NAPG: variants seen among roughly 807,000 people sequenced by gnomAD.
NAPG encodes gamma-soluble NSF attachment protein.
NAPG carries 25 observed loss-of-function variants against 48.4 expected under a neutral mutation model. That is an observed-to-expected ratio of 0.52 (90% confidence interval 0.38 to 0.72). The LOEUF is 0.72. Among genes scored for constraint, NAPG ranks in the 30% least tolerant of loss-of-function variants. The probability of loss-of-function intolerance (pLI) is 0.00; values close to 1 mark genes in which losing one functional copy is unlikely to be tolerated. For synonymous variants in NAPG, 139 were observed against 127.2 expected (o/e 1.09, Z -0.62); for missense variants, 359 against 372.5 (o/e 0.96, Z 0.30).
At position 10,527,201 on chromosome 18, in the gene NAPG, A is replaced by AAAAAG. The variant is rs1567886292; in HGVS notation, c.56+1053_56+1057dup. Among the ~76,000 whole-genome samples, 127 of 149,616 alleles carry AAAAAG rather than the reference A, an allele frequency of 8.5e-4. 1 individual carries two copies. Among genetic ancestry groups the AAAAAG allele is most frequent in the Middle Eastern group, 3.5e-3 (1 of 288 alleles). ...AGACTCCGTCTCAAAAAAAAAAAAA[A>AAAAAG]AAAAGAAAAGAAAAAGTCAGCATTG... On this transcript the variant is annotated intron_variant, in intron 1 of 11. Coordinates refer to ENST00000322897, the MANE Select transcript of NAPG (RefSeq NM_003826.3).
chr18:10,537,290 T>C (rs1027930619), intron 5 of NAPG, among the ~76,000 whole-genome samples: 1 of 152,190 alleles, frequency 6.6e-6, no homozygotes, highest in African/African-American at 2.4e-5. Context: ...ATATAAACAG[T>C]CAGTTAGTAC....
At position 10,539,923 on chromosome 18, in the gene NAPG, A is replaced by G. The variant is rs2032115331; in HGVS notation, c.368+52A>G. On this transcript the variant is annotated intron_variant, in intron 6 of 11. Transcript: ENST00000322897. This position sits in a 1 kb window ranked among gnomAD's most constrained non-coding sequence, Gnocchi z 4.7. The stretch of plus-strand genomic sequence containing the variant: ...CATAGAAGTCTTGTCTTTTTGTTTT[A>G]AAGAGGTCCCTGAAAAACAAGTTTT... 1 of 1,607,496 alleles carries G rather than the reference A, an allele frequency of 6.2e-7. No individual in the cohort carries two copies. The highest frequency in any genetic ancestry group is 1.3e-5 in the African/African-American group (1 of 74,628).
rs952145348 is a variant in NAPG at position 10,549,978 on chromosome 18, C to T, written c.796-99C>T. The T allele has an allele frequency of 2.4e-6, 3 of 1,273,280 alleles. No homozygotes were observed. In the African/African-American group the frequency reaches 4.7e-5, roughly 20 times the overall value. 78.9% of individuals were successfully genotyped at this position (1,273,280 alleles called of 1,614,324 possible). ...CCATCTGAATGGTAGAATTGGTGTT[C>T]CTGAGGGTGGGGAGCCAGGCTGTGT... On this transcript the variant is annotated intron_variant, in intron 11 of 11. Transcript: ENST00000322897.
In NAPG at chr18:10,534,853, A is replaced by G. The variant is rs947385993; in HGVS notation, c.258+357A>G. 6.6e-6 allele frequency among the ~76,000 whole-genome samples: 1 copy of G among 152,260 alleles called. No homozygotes were observed. Among genetic ancestry groups the G allele is most frequent in the Admixed American group, 6.5e-5 (1 of 15,292 alleles). ...AAAATTTTATAAATATTAAAAAATT[A>G]TCATACATGGGTTATAGAAGAGATT... On this transcript the variant is annotated intron_variant, in intron 5 of 11. Transcript: ENST00000322897. This position sits in a 1 kb window ranked among gnomAD's most constrained non-coding sequence, Gnocchi z 5.0.
At chr18:10,528,155 C>T (rs1230077049) in intron 1 of NAPG, among the ~76,000 whole-genome samples, 1 of 151,980 alleles carries the variant, frequency 6.6e-6, no homozygotes, top group East Asian at 1.9e-4. Flanking sequence ...CACTGCATTC[C>T]AGCCTGGGAG....
intron 8 of NAPG, among the ~76,000 whole-genome samples, chr18:10,541,164 A>G (rs1002311175): frequency 2.6e-5 from 4 of 152,228 alleles, no homozygotes; most frequent in African/African-American, 7.2e-5. Context: ...CTGAAATACA[A>G]TTTAAACCGG....
At position 10,548,134 on chromosome 18, in the gene NAPG, A is replaced by T. The variant is rs1383906489; in HGVS notation, c.586-165A>T. On this transcript the variant is annotated intron_variant, in intron 9 of 11. Transcript: ENST00000322897. The surrounding 1 kb of genome is among the most constrained non-coding windows in gnomAD (Gnocchi z 4.4). ...AGAATTGGAAAAGTACTGTTCTAGG[A>T]TATTTCCCCTCAGGTGTCCCGTGGA... Among the ~76,000 whole-genome samples the T allele has an allele frequency of 6.6e-6, 1 of 152,180 alleles. No homozygotes were observed. Among genetic ancestry groups the T allele is most frequent in the African/African-American group, 2.4e-5 (1 of 41,448 alleles).
chr18:10,526,323 C>T, intron 1 of NAPG, 165 bp downstream of exon 1: 1 of 670,526 alleles, frequency 1.5e-6, no homozygotes, highest in Non-Finnish European at 2.5e-6. Flanking sequence ...GGGTCACACT[C>T]CCGGGGTCGG....
chr18:10,530,769 G>T lies in NAPG; in HGVS notation c.57-1G>T. 6.4e-7 allele frequency: 1 copy of T among 1,555,616 alleles called. No homozygotes were observed. The highest frequency in any genetic ancestry group is 8.7e-7 in the Non-Finnish European group (1 of 1,150,686). ...TGTTAACTGTGTTTTTTTCATTCTAGCCTGAAAACTGGTTTTTTAAAATGG... is the reference window on the plus strand; with the variant it reads ...TGTTAACTGTGTTTTTTTCATTCTATCCTGAAAACTGGTTTTTTAAAATGG... On this transcript the variant is annotated splice_acceptor_variant, in intron 1 of 11. Transcript: ENST00000322897. LOFTEE classifies it high-confidence loss of function.
In NAPG at chr18:10,534,340, T is replaced by C. The variant is rs73392625; in HGVS notation, c.228-126T>C. ...ATTGTGTGGTAATATAAGCCTGAAG[T>C]GATATGTTGTGCATGAGCCCATTGT... On this transcript the variant is annotated intron_variant, in intron 4 of 11. Transcript: ENST00000322897. The surrounding 1 kb of genome is among the most constrained non-coding windows in gnomAD (Gnocchi z 5.0). 4.9e-4 allele frequency: 315 copies of C among 641,532 alleles called. 2 individuals are homozygous for C. The African/African-American group carries it at 5.1e-3, about 10-fold the overall frequency. 39.7% of individuals were successfully genotyped at this position (641,532 alleles called of 1,614,324 possible).
rs371024638 is a variant in NAPG at position 10,548,916 on chromosome 18, A to G, written c.666-51A>G. ...AGGGGCAGAATCATCCCTGCCTGAG[A>G]TGTGTTCTTTTAAGGAGAAGGTGAA... On this transcript the variant is annotated intron_variant, in intron 10 of 11. Transcript: ENST00000322897. The surrounding 1 kb of genome is among the most constrained non-coding windows in gnomAD (Gnocchi z 4.4). 1.3e-6 allele frequency: 2 copies of G among 1,591,774 alleles called. No individual in the cohort carries two copies. The highest frequency in any genetic ancestry group is 4.5e-5 in the East Asian group (2 of 44,366).
chr18:10,546,409 T>G lies in NAPG; in HGVS notation c.585+5T>G. The G allele has an allele frequency of 6.7e-7, 1 of 1,490,920 alleles. No individual in the cohort carries two copies. Among genetic ancestry groups the G allele is most frequent in the Non-Finnish European group, 9.1e-7 (1 of 1,094,496 alleles). 92.4% of individuals were successfully genotyped at this position (1,490,920 alleles called of 1,614,324 possible). A position where few individuals can be genotyped will look rare whatever the true frequency, so the allele number is the denominator to read the frequency against. On this transcript the variant is annotated splice_donor_5th_base_variant and intron_variant, in intron 9 of 11. Transcript: ENST00000322897. This position sits in a 1 kb window ranked among gnomAD's most constrained non-coding sequence, Gnocchi z 4.0. ...AATTATCCAACTTGTTATAAGGTAT[T>G]CTTTGAAAGTGTTTGTTTTTGGTAT...
chr18:10,532,747 C>CAA lies in NAPG; in HGVS notation c.164_165dup (p.Asp56LysfsTer5). The CAA allele has an allele frequency of 6.3e-7, 1 of 1,592,464 alleles. No individual in the cohort carries two copies. Among genetic ancestry groups the CAA allele is most frequent in the South Asian group, 1.1e-5 (1 of 87,326 alleles). On this transcript the variant is annotated frameshift_variant, in exon 3 of 12. Coordinates refer to ENST00000322897, the MANE Select transcript of NAPG (RefSeq NM_003826.3). LOFTEE classifies it high-confidence loss of function. ...AAAAATGCCAAACAGTTTGAGCAAG[C>CAA]AAAAGATGCCTGCCTGAGGGAAGCT...
intron 11 of NAPG, among the ~76,000 whole-genome samples, chr18:10,549,597 TAGTC>T (rs1431915545): frequency 3.9e-5 from 6 of 152,230 alleles, no homozygotes; most frequent in East Asian, 1.9e-4. Context: ...AAGAATACAT[TAGTC>T]AGTGTGTGAG....
rs1198198006 is a variant in NAPG at position 10,533,560 on chromosome 18, A to G, written c.227+7A>G. Reference sequence around the variant, plus strand: ...GTCTTTTTCATGCTGCCAAGTAAGTATTCTTCATGTTTTCATGTATTTGCA... The same window carrying G: ...GTCTTTTTCATGCTGCCAAGTAAGTGTTCTTCATGTTTTCATGTATTTGCA... On this transcript the variant is annotated splice_region_variant and intron_variant, in intron 4 of 11. Transcript: ENST00000322897. 2 of 1,596,006 alleles carry G rather than the reference A, an allele frequency of 1.3e-6. No individual in the cohort carries two copies. The highest frequency in any genetic ancestry group is 1.7e-5 in the Admixed American group (1 of 57,238).
intron 9 of NAPG, among the ~76,000 whole-genome samples, chr18:10,547,147 G>C (rs115466200): frequency 6.6e-6 from 1 of 152,294 alleles, no homozygotes; most frequent in East Asian, 1.9e-4. Context: ...CATCACTGTC[G>C]AAGTGTTGCA....
chr18:10,533,329 C>A, intron 3 of NAPG: 1 of 439,308 alleles, frequency 2.3e-6, no homozygotes, highest in South Asian at 5.0e-5. Flanking sequence ...AAAATCTGTG[C>A]AGTGTTTTGT....
At chr18:10,526,450 T>C (rs2031813324) in intron 1 of NAPG, 2 of 423,100 alleles carry the variant, frequency 4.7e-6, no homozygotes, top group Admixed American at 8.3e-5. Flanking sequence ...GCTTCTCTAC[T>C]TGGGCGCTCT....
At chr18:10,533,490 A>ATTTTTTTTTTTTTTTTTTTTTT (rs766330804) in intron 3 of NAPG, 46 bp from the exon 4 acceptor site, 1 of 1,551,424 alleles carries the variant, frequency 6.4e-7, no homozygotes, top group Non-Finnish European at 8.7e-7. Flanking sequence ...GAAACTATTG[A>ATTTTTTTTTTTTTTTTTTTTTT]TTTTTTTCTT....
Sources: gnomAD v4.1 joint callset for allele counts (sites outside exome capture counted in the v4.1 genomes callset) on GRCh38, gnomAD v4.1.1 for gene constraint, Gnocchi (gnomAD v3.1) non-coding constraint, MANE v1.5 for transcripts, NCBI Gene and HGNC (gene_info 2026-07-23, HGNC 2026-07-21) for gene names.